The following UBE2L3 variants were observed in gnomAD, a reference collection of about 807,000 sequenced individuals.
UBE2L3 encodes the protein ubiquitin-conjugating enzyme E2 L3.
Under a neutral mutation model 17.8 loss-of-function variants are expected in UBE2L3, and 1 was observed. The ratio of observed to expected loss-of-function variants is 0.06; its 90% CI spans 0.02 to 0.27. The LOEUF (loss-of-function observed/expected upper bound fraction) is 0.27. UBE2L3 is among the 10% of genes least tolerant of loss of function. The probability of loss-of-function intolerance (pLI) is 1.00; values close to 1 mark genes in which losing one functional copy is unlikely to be tolerated. For missense variants in UBE2L3, 40 were observed against 192.6 expected (o/e 0.21, Z 4.69); for synonymous variants, 44 against 68.5 (o/e 0.64, Z 1.76).
intron 1 of UBE2L3, among the ~76,000 whole-genome samples, chr22:21,578,217 G>A (rs920289694): frequency 4.6e-5 from 7 of 151,754 alleles, no homozygotes; most frequent in Non-Finnish European, 8.8e-5. Context: ...AAAATTAGCC[G>A]GGCGTGGTGG....
At chr22:21,586,562 C>T (rs923094375) in intron 1 of UBE2L3, among the ~76,000 whole-genome samples, 1 of 150,786 alleles carries the variant, frequency 6.6e-6, no homozygotes, top group African/African-American at 2.4e-5. Flanking sequence ...TGAGCCACTG[C>T]ACCCAGCCTT....
At chr22:21,585,823 C>T (rs1458181864) in intron 1 of UBE2L3, among the ~76,000 whole-genome samples, 4 of 152,120 alleles carry the variant, frequency 2.6e-5, no homozygotes, top group Admixed American at 2.0e-4. Flanking sequence ...GCACCAAGAG[C>T]TTTAGTTGGA....
chr22:21,568,038 G>T, intron 1 of UBE2L3: 1 of 1,291,334 alleles, frequency 7.7e-7, no homozygotes, highest in Non-Finnish European at 9.8e-7. Context: ...CCCGGAGCTT[G>T]GCCGCGTCCC....
intron 2 of UBE2L3, among the ~76,000 whole-genome samples, chr22:21,598,068 T>C (rs916946684): frequency 4.0e-5 from 6 of 151,466 alleles, no homozygotes; most frequent in Non-Finnish European, 1.5e-5. Flanking sequence ...CCCAAAGTGC[T>C]GGGATTACAC....
chr22:21,609,432 T>C (rs886885767), intron 2 of UBE2L3, among the ~76,000 whole-genome samples: 17 of 152,102 alleles, frequency 1.1e-4, no homozygotes, highest in Non-Finnish European at 2.9e-5. Context: ...TGAGTCTGGG[T>C]GCAGTGGCTC....
chr22:21,612,439 C>T (rs1929529197), intron 3 of UBE2L3, among the ~76,000 whole-genome samples: 1 of 151,950 alleles, frequency 6.6e-6, no homozygotes, highest in Non-Finnish European at 1.5e-5. Context: ...CATTCTCCTG[C>T]CTCAGCCTTC....
Position 21,592,095 on chromosome 22 carries a change from G to T in UBE2L3, c.28-766G>T, listed in dbSNP as rs150846715. Among the ~76,000 whole-genome samples the T allele has an allele frequency of 4.4e-3, 673 of 152,338 alleles. 6 individuals are homozygous for T. The highest frequency in any genetic ancestry group is 0.015 in the African/African-American group (640 of 41,572). On this transcript the variant is annotated intron_variant, in intron 1 of 3. Transcript: ENST00000342192. ...GGCAGGACCCTGAAGTCGTAAAGTTGTGCTTTCTGGGTGAAATGGCACTTG... is the reference window on the plus strand; with the variant it reads ...GGCAGGACCCTGAAGTCGTAAAGTTTTGCTTTCTGGGTGAAATGGCACTTG...
chr22:21,571,760 A>G (rs1926980130), intron 1 of UBE2L3, among the ~76,000 whole-genome samples: 1 of 152,196 alleles, frequency 6.6e-6, no homozygotes, highest in African/African-American at 2.4e-5. Flanking sequence ...CTCCCAGTTC[A>G]TAGTCATAGT....
At chr22:21,569,852 C>T (rs1294455741) in intron 1 of UBE2L3, among the ~76,000 whole-genome samples, 1 of 152,202 alleles carries the variant, frequency 6.6e-6, no homozygotes, top group Non-Finnish European at 1.5e-5. Context: ...CCAGGGTTAC[C>T]TAGCTAGGGA....
intron 1 of UBE2L3, among the ~76,000 whole-genome samples, chr22:21,584,379 A>T (rs1292456856): frequency 6.8e-6 from 1 of 146,282 alleles, no homozygotes; most frequent in Non-Finnish European, 1.5e-5. Context: ...GTTTCACCAT[A>T]TTGGCCAGGC....
chr22:21,579,720 G>A (rs1025153768), intron 1 of UBE2L3, among the ~76,000 whole-genome samples: 6 of 152,112 alleles, frequency 3.9e-5, no homozygotes, highest in African/African-American at 9.7e-5. Flanking sequence ...GCAGTGAGCC[G>A]TGATCATGCC....
chr22:21,578,272 A>C (rs181365), intron 1 of UBE2L3, among the ~76,000 whole-genome samples: 1,861 of 151,800 alleles, frequency 0.012, 95 homozygotes, highest in South Asian at 0.12. Flanking sequence ...AGGCAGGAGA[A>C]TGGTGTGAAC....
intron 3 of UBE2L3, among the ~76,000 whole-genome samples, chr22:21,617,058 A>T (rs1230976160): frequency 1.3e-5 from 2 of 151,308 alleles, no homozygotes; most frequent in Admixed American, 1.3e-4. Flanking sequence ...AAAACACCAA[A>T]AATTAGCCGG....
chr22:21,551,992 T>C (rs1926084614), intron 1 of UBE2L3, among the ~76,000 whole-genome samples: 5 of 99,768 alleles, frequency 5.0e-5, no homozygotes, highest in South Asian at 3.0e-4. Flanking sequence ...ACTGAAGAAA[T>C]ACACACACAC....
At chr22:21,563,524 A>T (rs559401873), upstream of UBE2L3, among the ~76,000 whole-genome samples, 36 of 140,286 alleles carry the variant, frequency 2.6e-4, no homozygotes, top group African/African-American at 2.9e-4. Flanking sequence ...ATCGCGCCAC[A>T]GCACTCCAGC....
intron 1 of UBE2L3, among the ~76,000 whole-genome samples, chr22:21,573,442 A>G (rs1439052018): frequency 1.3e-5 from 2 of 152,064 alleles, no homozygotes; most frequent in African/African-American, 4.8e-5. Context: ...TCAAGGGGCA[A>G]TTCCTCTGCC....
chr22:21,575,301 A>C (rs1248958027), intron 1 of UBE2L3, among the ~76,000 whole-genome samples: 1 of 147,790 alleles, frequency 6.8e-6, no homozygotes, highest in African/African-American at 2.5e-5. Context: ...AAAAATGTTT[A>C]CTTGGCTGGG....
chr22:21,608,903 T>G (rs983695692), intron 2 of UBE2L3, among the ~76,000 whole-genome samples: 23 of 143,302 alleles, frequency 1.6e-4, no homozygotes, highest in African/African-American at 6.3e-4. Flanking sequence ...TTTTGTTTTG[T>G]TTTTTTTTTG....
intron 1 of UBE2L3, among the ~76,000 whole-genome samples, chr22:21,572,134 A>G (rs1350978899): frequency 6.6e-6 from 1 of 152,114 alleles, no homozygotes; most frequent in Non-Finnish European, 1.5e-5. Flanking sequence ...TAAGGTATTT[A>G]CTAGAAAACT....
Sources: allele counts gnomAD v4.1 joint callset (sites outside exome capture counted in the v4.1 genomes callset), GRCh38; gene constraint gnomAD v4.1.1; transcripts MANE v1.5; gene names NCBI Gene and HGNC (gene_info 2026-07-23, HGNC 2026-07-21).